The following GPN3 variants were observed in gnomAD, a reference collection of about 807,000 sequenced individuals.
The protein encoded by GPN3 is GPN-loop GTPase 3.
In GPN3, 31 loss-of-function variants were observed where a neutral mutation model predicts 38.7. The ratio of observed to expected loss-of-function variants is 0.80; its 90% CI spans 0.60 to 1.08. GPN3 has a LOEUF of 1.08. Ranked by LOEUF, GPN3 falls within the 50% of genes least tolerant of loss-of-function variation. The pLI is 0.00. For synonymous variants in GPN3, 116 were observed against 120.2 expected (o/e 0.96, Z 0.23); for missense variants, 301 against 354.4 (o/e 0.85, Z 1.21).
chr12:110,465,809 G>A (rs1389484461), intron 1 of GPN3, among the ~76,000 whole-genome samples: 1 of 152,172 alleles, frequency 6.6e-6, no homozygotes, highest in Non-Finnish European at 1.5e-5. Flanking sequence ...GGGTGCAGTG[G>A]CTCACACCTG....
upstream of GPN3, chr12:110,468,263 C>T: frequency 1.2e-6 from 2 of 1,602,954 alleles, no homozygotes; most frequent in Non-Finnish European, 1.7e-6. Flanking sequence ...CCACTGAGCT[C>T]CGGGAAAGTG....
Position 110,459,779 on chromosome 12 carries a change from T to C in GPN3, c.241A>G (p.Met81Val), listed in dbSNP as rs752240006. The change falls in exon 3 of 8, where the codon ATG becomes GTG. Residue 81 changes from methionine to valine, a missense_variant. Transcript: ENST00000228827. ...FGPNGGLVFC[M>V]EYFANNFDWL... is the part of the protein sequence containing the mutation. ...TCAAAATTATTGGCAAAGTACTCCATGCAAAATACCAATCCTCCGTTGGGA... is the reference window on the plus strand; with the variant it reads ...TCAAAATTATTGGCAAAGTACTCCACGCAAAATACCAATCCTCCGTTGGGA... The C allele has an allele frequency of 6.2e-7, 1 of 1,613,088 alleles. No homozygotes were observed. The highest frequency in any genetic ancestry group is 8.5e-7 in the Non-Finnish European group (1 of 1,179,024).
At chr12:110,453,537 C>G (rs1049030100) in intron 7 of GPN3, among the ~76,000 whole-genome samples, 6 of 152,206 alleles carry the variant, frequency 3.9e-5, no homozygotes, top group African/African-American at 1.4e-4. Context: ...CAGGCTTCAT[C>G]ATACTGCCTC....
chr12:110,462,622 T>G (rs2062597187), intron 2 of GPN3, among the ~76,000 whole-genome samples: 1 of 152,038 alleles, frequency 6.6e-6, no homozygotes, highest in South Asian at 2.1e-4. Context: ...AGTTTTGCTC[T>G]TGTTGCCCAG....
chr12:110,460,976 G>C (rs1202679486), intron 2 of GPN3: 6 of 1,281,306 alleles, frequency 4.7e-6, no homozygotes, highest in Non-Finnish European at 6.8e-6. Flanking sequence ...TTTCCAACTT[G>C]GACCCAGCAG....
intron 1 of GPN3, among the ~76,000 whole-genome samples, chr12:110,467,243 A>G (rs1428227810): frequency 6.6e-6 from 1 of 151,824 alleles, no homozygotes; most frequent in African/African-American, 2.4e-5. Context: ...GTCCACCTCC[A>G]TCTCCCAAAG....
At chr12:110,462,840 T>G (rs1339582186) in intron 2 of GPN3, among the ~76,000 whole-genome samples, 1 of 152,060 alleles carries the variant, frequency 6.6e-6, no homozygotes, top group Non-Finnish European at 1.5e-5. Flanking sequence ...CACCGCAAGC[T>G]CCGCCTCCCG....
intron 1 of GPN3, among the ~76,000 whole-genome samples, chr12:110,467,309 T>C (rs144409217): frequency 1.7e-4 from 26 of 152,294 alleles, no homozygotes; most frequent in African/African-American, 6.0e-4. Context: ...ACACATATGT[T>C]ATTTGATCCA....
chr12:110,455,762 A>G lies in GPN3; in HGVS notation c.566+53T>C, dbSNP rs1215192675. 5.6e-6 allele frequency: 6 copies of G among 1,063,126 alleles called. No homozygotes were observed. In the Admixed American group the frequency reaches 1.0e-4, roughly 18 times the overall value. 65.9% of individuals were successfully genotyped at this position (1,063,126 alleles called of 1,614,324 possible). A position where few individuals can be genotyped will look rare whatever the true frequency, so the allele number is the denominator to read the frequency against. Reference sequence around the variant, plus strand: ...AAACTTCCCATCTAAATAAAACAGAAGGTTCATCTCTGCAACTGAGATCTG... The same window carrying G: ...AAACTTCCCATCTAAATAAAACAGAGGGTTCATCTCTGCAACTGAGATCTG... On this transcript the variant is annotated intron_variant, in intron 5 of 7. Coordinates refer to ENST00000228827, the MANE Select transcript of GPN3 (RefSeq NM_016301.4).
chr12:110,464,521 A>C (rs2062612999), intron 2 of GPN3, among the ~76,000 whole-genome samples: 1 of 151,970 alleles, frequency 6.6e-6, no homozygotes, highest in Non-Finnish European at 1.5e-5. Flanking sequence ...AATATACCAC[A>C]TGATTCACTA....
rs773274406 is a variant in GPN3 at position 110,465,925 on chromosome 12, A to C, written c.49-711T>G. Reference sequence around the variant, plus strand: ...AACCTCGTCTCTACTAAAAATACAAAAATTAGCTGGGCGTGGTGGCGTATG... The same window carrying C: ...AACCTCGTCTCTACTAAAAATACAACAATTAGCTGGGCGTGGTGGCGTATG... On this transcript the variant is annotated intron_variant, in intron 1 of 7. Coordinates refer to ENST00000228827, the MANE Select transcript of GPN3 (RefSeq NM_016301.4). Among the ~76,000 whole-genome samples, 134 of 152,080 alleles carry C rather than the reference A, an allele frequency of 8.8e-4. 1 individual carries two copies. Among genetic ancestry groups the C allele is most frequent in the Non-Finnish European group, 1.8e-3 (121 of 68,032 alleles).
rs115091087 is a variant in GPN3 at position 110,458,809 on chromosome 12, C to T, written c.325+886G>A. Among the ~76,000 whole-genome samples the T allele has an allele frequency of 8.8e-3, 1,330 of 151,964 alleles. 27 individuals carry two copies. Among genetic ancestry groups the T allele is most frequent in the African/African-American group, 0.031 (1,276 of 41,488 alleles). On this transcript the variant is annotated intron_variant, in intron 3 of 7. Coordinates refer to ENST00000228827, the MANE Select transcript of GPN3 (RefSeq NM_016301.4). The surrounding 1 kb of genome is among the most constrained non-coding windows in gnomAD (Gnocchi z 4.4). Reference sequence around the variant, plus strand: ...AAAAAGAAAAAAAAAAAAGAAAATTCACGATTTGGCTTCAGAAGCCATGAT... The same window carrying T: ...AAAAAGAAAAAAAAAAAAGAAAATTTACGATTTGGCTTCAGAAGCCATGAT...
intron 1 of GPN3, 75 bp from the exon 2 acceptor site, chr12:110,465,289 C>A: frequency 1.2e-6 from 1 of 851,960 alleles, no homozygotes; most frequent in Non-Finnish European, 2.1e-6. Flanking sequence ...GGAATACTAT[C>A]CACTAAGGTC....
chr12:110,453,075 A>G lies in GPN3; in HGVS notation c.814T>C (p.Ser272Pro). The G allele has an allele frequency of 6.8e-7, 1 of 1,460,380 alleles. No homozygotes were observed. Among genetic ancestry groups the G allele is most frequent in the Non-Finnish European group, 9.6e-7 (1 of 1,043,010 alleles). 90.5% of individuals were successfully genotyped at this position (1,460,380 alleles called of 1,614,324 possible). A position where few individuals can be genotyped will look rare whatever the true frequency, so the allele number is the denominator to read the frequency against. Residue 272 changes from serine to proline, a missense_variant, in exon 8 of 8, where the codon TCT (serine) becomes CCT (proline). Coordinates refer to ENST00000228827, the MANE Select transcript of GPN3 (RefSeq NM_016301.4). The part of the protein sequence containing the change: ...EPKEREDESS[S>P]MFDEYFQECQ... Reference sequence around the variant, plus strand: ...TCTTGAAAATATTCGTCAAACATAGAGGAAGACTCATCTTCACGTTCCTGA... The same window carrying G: ...TCTTGAAAATATTCGTCAAACATAGGGGAAGACTCATCTTCACGTTCCTGA...
At chr12:110,464,237 T>A (rs1249836689) in intron 2 of GPN3, among the ~76,000 whole-genome samples, 2 of 152,148 alleles carry the variant, frequency 1.3e-5, no homozygotes, top group Admixed American at 6.6e-5. Flanking sequence ...GATCCCCTCC[T>A]CAGAGTCACC....
chr12:110,459,531 C>T (rs1274966414), intron 3 of GPN3, among the ~76,000 whole-genome samples, 164 bp downstream of exon 3: 5 of 152,162 alleles, frequency 3.3e-5, no homozygotes, highest in Non-Finnish European at 7.3e-5. Context: ...TGAGCCACTG[C>T]GCCCGGCCTC....
Position 110,458,953 on chromosome 12 carries a change from G to C in GPN3, c.325+742C>G, listed in dbSNP as rs1303138957. On this transcript the variant is annotated intron_variant, in intron 3 of 7. Coordinates refer to ENST00000228827, the MANE Select transcript of GPN3 (RefSeq NM_016301.4). This position sits in a 1 kb window ranked among gnomAD's most constrained non-coding sequence, Gnocchi z 4.4. The stretch of plus-strand genomic sequence containing the variant: ...ACAGCTTTGTTCCTTCCTCCTGGGA[G>C]GTGTTCAGCAGGCTGTGCCCTCTGC... Among the ~76,000 whole-genome samples the C allele has an allele frequency of 6.6e-6, 1 of 152,106 alleles. No individual in the cohort carries two copies. The highest frequency in any genetic ancestry group is 1.5e-5 in the Non-Finnish European group (1 of 68,028).
chr12:110,465,418 C>T (rs1435216547), intron 1 of GPN3, among the ~76,000 whole-genome samples: 3 of 152,190 alleles, frequency 2.0e-5, no homozygotes, highest in African/African-American at 7.2e-5. Context: ...TTTACTTCTC[C>T]ACTCTGCCCT....
In GPN3 at chr12:110,457,723, CA is replaced by C. The variant is rs1232405960; in HGVS notation, c.326-90del. Reference sequence around the variant, plus strand: ...AAACAAATTTTCCCCATAAGATGGACAAAAATAAAAGCCAACACATTTTTAA... The same window carrying C: ...AAACAAATTTTCCCCATAAGATGGACAAAATAAAAGCCAACACATTTTTAA... On this transcript the variant is annotated intron_variant, in intron 3 of 7. Transcript: ENST00000228827. The C allele has an allele frequency of 1.1e-5, 10 of 948,238 alleles. No individual in the cohort carries two copies. The East Asian group carries it at 2.1e-4, about 20-fold the overall frequency. The allele number at this position is 948,238 out of a possible 1,614,324, so 58.7% of individuals were successfully genotyped here.
Sources: gnomAD v4.1 joint callset for allele counts (sites outside exome capture counted in the v4.1 genomes callset) on GRCh38, gnomAD v4.1.1 for gene constraint, Gnocchi (gnomAD v3.1) non-coding constraint, MANE v1.5 for transcripts, NCBI Gene and HGNC (gene_info 2026-07-23, HGNC 2026-07-21) for gene names.